PLCH1: variants seen among roughly 807,000 people sequenced by gnomAD.
PLCH1 encodes the protein 1-phosphatidylinositol 4,5-bisphosphate phosphodiesterase eta-1.
In PLCH1, 60 loss-of-function variants were observed where a neutral mutation model predicts 126.7. The observed-to-expected ratio is 0.47, with a 90% confidence interval of 0.38 to 0.59. PLCH1 has a LOEUF of 0.59. Among genes scored for constraint, PLCH1 ranks in the 20% least tolerant of loss-of-function variants. The pLI is 0.00. For missense variants in PLCH1, 1,723 were observed against 2,040.0 expected (o/e 0.84, Z 2.99); for synonymous variants, 719 against 734.9 (o/e 0.98, Z 0.35).
chr3:155,693,510 A>G (rs1352697388), intron 2 of PLCH1, among the ~76,000 whole-genome samples: 2 of 152,046 alleles, frequency 1.3e-5, no homozygotes, highest in Non-Finnish European at 2.9e-5. Flanking sequence ...GCACAGACTT[A>G]AAACACATTA....
At position 155,481,126 on chromosome 3, in the gene PLCH1, T is replaced by C. The variant is rs1254492101; in HGVS notation, c.4900A>G (p.Thr1634Ala). 6.2e-7 allele frequency: 1 copy of C among 1,614,092 alleles called. No individual in the cohort carries two copies. The highest frequency in any genetic ancestry group is 8.5e-7 in the Non-Finnish European group (1 of 1,180,028). Residue 1634 changes from threonine to alanine, a missense_variant, in exon 23 of 23, where the codon ACG (threonine) becomes GCG (alanine). Thr to Ala is a moderately conservative substitution (Grantham distance 58). Coordinates refer to ENST00000460012, the MANE Select transcript of PLCH1 (RefSeq NM_014996.4). The surrounding 1 kb of genome is among the most constrained non-coding windows in gnomAD (Gnocchi z 4.2). ...GSYIAGYLKN[T>A]KGGGLEGRGI... ...CGGCCTTCAAGGCCACCCCCTTTCGTGTTCTTCAGGTAGCCTGCGATGTAG... is the reference window on the plus strand; with the variant it reads ...CGGCCTTCAAGGCCACCCCCTTTCGCGTTCTTCAGGTAGCCTGCGATGTAG...
At position 155,694,952 on chromosome 3, in the gene PLCH1, C is replaced by CTTTT. The variant is rs201292066; in HGVS notation, c.79+9190_79+9193dup. ...TCCTCTCTTACTGAGAAAGCTAGTG[C>CTTTT]TTTTTTTTTTTTTTTTTTAATGCAG... is the stretch of plus-strand genomic sequence containing the variant. On this transcript the variant is annotated intron_variant, in intron 2 of 22. Transcript: ENST00000460012. Among the ~76,000 whole-genome samples the CTTTT allele has an allele frequency of 1.1e-3, 121 of 115,228 alleles. 2 individuals carry two copies. Among genetic ancestry groups the CTTTT allele is most frequent in the South Asian group, 0.01 (33 of 3,238 alleles). 75.6% of individuals were successfully genotyped at this position (115,228 alleles called of 152,430 possible). A position where few individuals can be genotyped will look rare whatever the true frequency, so the allele number is the denominator to read the frequency against.
At chr3:155,469,576 A>T (rs1391945278) in intron 21 of PLCH1, among the ~76,000 whole-genome samples, 3 of 152,242 alleles carry the variant, frequency 2.0e-5, no homozygotes, top group Non-Finnish European at 4.4e-5. Flanking sequence ...AGCCCACCAC[A>T]GCTCAAGGAG....
At chr3:155,604,422 A>T in intron 2 of PLCH1, among the ~76,000 whole-genome samples, 1 of 152,188 alleles carries the variant, frequency 6.6e-6, no homozygotes, top group African/African-American at 2.4e-5. Flanking sequence ...AGAAGACAAG[A>T]TTATTTAAAA....
intron 11 of PLCH1, among the ~76,000 whole-genome samples, chr3:155,523,043 C>G (rs972997613): frequency 3.3e-5 from 5 of 152,030 alleles, no homozygotes; most frequent in Non-Finnish European, 5.9e-5. Context: ...GGCGCGATCT[C>G]GGCTCACTGC....
At chr3:155,635,868 C>A (rs560372616) in intron 2 of PLCH1, among the ~76,000 whole-genome samples, 28 of 152,150 alleles carry the variant, frequency 1.8e-4, no homozygotes, top group Admixed American at 3.9e-4. Flanking sequence ...AAGAGAACGA[C>A]AAATTGCTTA....
chr3:155,473,424 G>C (rs1282044391), intron 21 of PLCH1, among the ~76,000 whole-genome samples: 8 of 152,040 alleles, frequency 5.3e-5, no homozygotes, highest in Admixed American at 3.3e-4. Context: ...GGAAATAAAA[G>C]AGGATACAAA....
chr3:155,664,081 T>C (rs1373515924), intron 2 of PLCH1, among the ~76,000 whole-genome samples: 1 of 152,218 alleles, frequency 6.6e-6, no homozygotes, highest in African/African-American at 2.4e-5. Flanking sequence ...AACAGTCTGA[T>C]GACAGTACCA....
Position 155,638,242 on chromosome 3 carries a change from T to C in PLCH1, c.80-41864A>G, listed in dbSNP as rs577295908. ...ATATTCAACAAATTGGTTTACCTAA[T>C]GGTCTCTTTGGAGGGGTCTCCCACT... On this transcript the variant is annotated intron_variant, in intron 2 of 22. Transcript: ENST00000460012. Among the ~76,000 whole-genome samples, 9 of 152,352 alleles carry C rather than the reference T, an allele frequency of 5.9e-5. 1 individual carries two copies. The South Asian group carries it at 1.9e-3, about 32-fold the overall frequency.
chr3:155,509,278 A>T (rs1175430853), intron 12 of PLCH1, among the ~76,000 whole-genome samples: 1 of 114,558 alleles, frequency 8.7e-6, no homozygotes, highest in African/African-American at 4.8e-5. Flanking sequence ...GCGGTCTATC[A>T]ATTTTGTTGA....
chr3:155,486,063 T>C (rs1715027431), intron 21 of PLCH1: 2 of 830,186 alleles, frequency 2.4e-6, no homozygotes, highest in South Asian at 1.7e-5. Flanking sequence ...AGCAGGAAGA[T>C]GGAGTGATAT....
intron 8 of PLCH1, among the ~76,000 whole-genome samples, chr3:155,559,572 T>G (rs2108490995): frequency 6.6e-6 from 1 of 152,326 alleles, no homozygotes. Context: ...ATTGTCCAGT[T>G]ATAGATTATT....
At chr3:155,472,857 A>G (rs1159458830) in intron 21 of PLCH1, among the ~76,000 whole-genome samples, 3 of 150,980 alleles carry the variant, frequency 2.0e-5, no homozygotes, top group African/African-American at 2.4e-5. Context: ...ATGCAGAAAA[A>G]GCCTTTGACA....
intron 2 of PLCH1, among the ~76,000 whole-genome samples, chr3:155,699,388 A>G (rs1180067910): frequency 6.6e-6 from 1 of 152,164 alleles, no homozygotes; most frequent in Non-Finnish European, 1.5e-5. Context: ...GATACTTTTA[A>G]TCTTAATGAT....
At chr3:155,528,228 CCAAA>C (rs1560115337) in intron 10 of PLCH1, among the ~76,000 whole-genome samples, 1 of 48,282 alleles carries the variant, frequency 2.1e-5, no homozygotes, top group Non-Finnish European at 6.5e-5. Context: ...CGTCTCCCCA[CCAAA>C]AAAAAAAAAA....
chr3:155,677,144 TTTC>T (rs1744161951), intron 2 of PLCH1, among the ~76,000 whole-genome samples: 1 of 152,188 alleles, frequency 6.6e-6, no homozygotes, highest in South Asian at 2.1e-4. Flanking sequence ...CTATTGCCAT[TTTC>T]TTCTCCCAGC....
At chr3:155,620,188 G>C (rs536640261) in intron 2 of PLCH1, among the ~76,000 whole-genome samples, 1 of 152,154 alleles carries the variant, frequency 6.6e-6, no homozygotes, top group Non-Finnish European at 1.5e-5. Context: ...TAGATAATAA[G>C]AGCAGATGTG....
intron 2 of PLCH1, 39 bp from the exon 3 acceptor site, chr3:155,596,417 T>C: frequency 6.4e-7 from 1 of 1,570,384 alleles, no homozygotes; most frequent in Non-Finnish European, 8.7e-7. Context: ...TATCACACAA[T>C]GCACAGGCAT....
At chr3:155,622,947 C>T (rs1032500640) in intron 2 of PLCH1, among the ~76,000 whole-genome samples, 2 of 152,148 alleles carry the variant, frequency 1.3e-5, no homozygotes, top group Non-Finnish European at 2.9e-5. Context: ...CACCCCAAAT[C>T]GACAGAATAT....
Sources: allele counts gnomAD v4.1 joint callset (sites outside exome capture counted in the v4.1 genomes callset), GRCh38; gene constraint gnomAD v4.1.1; non-coding constraint Gnocchi (gnomAD v3.1); transcripts MANE v1.5; gene names NCBI Gene and HGNC (gene_info 2026-07-23, HGNC 2026-07-21).